The following KIF6 variants were observed in gnomAD, a reference collection of about 807,000 sequenced individuals.
KIF6 encodes the protein kinesin family member 6, also known as kinesin-like protein KIF6.
A neutral mutation model predicts 112.7 loss-of-function variants in KIF6; 106 were observed. The observed-to-expected ratio is 0.94, with a 90% CI of 0.80 to 1.11. The LOEUF is 1.11. Ranked by LOEUF, KIF6 falls within the 50% of genes least tolerant of loss-of-function variation. KIF6 has a pLI of 0.00. For missense variants in KIF6, 929 were observed against 964.0 expected (o/e 0.96, Z 0.48); for synonymous variants, 339 against 339.9 (o/e 1.00, Z 0.03).
intron 3 of KIF6, among the ~76,000 whole-genome samples, chr6:39,712,857 CGA>C (rs1464600694): frequency 1.3e-4 from 20 of 152,074 alleles, no homozygotes; most frequent in Middle Eastern, 3.2e-3. Flanking sequence ...ATGTAAATGA[CGA>C]GTTAATGGGT....
intron 13 of KIF6, among the ~76,000 whole-genome samples, chr6:39,524,569 A>T (rs74830961): frequency 1.3e-5 from 2 of 152,056 alleles, no homozygotes; most frequent in Non-Finnish European, 2.9e-5. Flanking sequence ...GCTGGAAAAA[A>T]CCTGCCTGAT....
chr6:39,522,508 T>C (rs961735701), intron 13 of KIF6, among the ~76,000 whole-genome samples: 6 of 152,238 alleles, frequency 3.9e-5, no homozygotes, highest in Non-Finnish European at 8.8e-5. Flanking sequence ...CAATGATCTG[T>C]GTGACCACTT....
chr6:39,346,053 T>C (rs143807082), intron 20 of KIF6, among the ~76,000 whole-genome samples: 2 of 13,516 alleles, frequency 1.5e-4, no homozygotes, highest in Non-Finnish European at 1.4e-4. Flanking sequence ...TACAGTGCTC[T>C]CTCTCTCTCT....
At chr6:39,681,646 G>T in intron 3 of KIF6, among the ~76,000 whole-genome samples, 1 of 152,070 alleles carries the variant, frequency 6.6e-6, no homozygotes, top group East Asian at 1.9e-4. Flanking sequence ...TAGAGAAGAG[G>T]CAGGAGGTTC....
At chr6:39,377,751 T>TCTCTCCAACCCGC (rs1562150695) in intron 16 of KIF6, among the ~76,000 whole-genome samples, 2 of 151,926 alleles carry the variant, frequency 1.3e-5, no homozygotes, top group Non-Finnish European at 2.9e-5. Context: ...CTCCAACCCG[T>TCTCTCCAACCCGC]AAGGCCCTTG....
At chr6:39,611,665 T>C (rs1783222302) in intron 6 of KIF6, among the ~76,000 whole-genome samples, 1 of 152,222 alleles carries the variant, frequency 6.6e-6, no homozygotes, top group Non-Finnish European at 1.5e-5. Flanking sequence ...TTTATGAATC[T>C]ATCTTTTCTC....
intron 7 of KIF6, among the ~76,000 whole-genome samples, chr6:39,592,091 G>A (rs976764099): frequency 1.7e-4 from 26 of 152,062 alleles, no homozygotes; most frequent in African/African-American, 5.1e-4. Flanking sequence ...CAGCCTGGGC[G>A]ACAGAGTGAG....
intron 15 of KIF6, among the ~76,000 whole-genome samples, chr6:39,395,448 G>A (rs1768190395): frequency 6.6e-6 from 1 of 152,216 alleles, no homozygotes; most frequent in African/African-American, 2.4e-5. Context: ...GCTCATGATT[G>A]TGTTGGTATC....
At chr6:39,514,347 C>T (rs1464187049) in intron 13 of KIF6, among the ~76,000 whole-genome samples, 2 of 152,198 alleles carry the variant, frequency 1.3e-5, no homozygotes, top group Non-Finnish European at 2.9e-5. Flanking sequence ...AAAGAACAAT[C>T]TCTGTCCTTT....
At chr6:39,398,710 G>C (rs1581764982) in intron 15 of KIF6, among the ~76,000 whole-genome samples, 1 of 152,130 alleles carries the variant, frequency 6.6e-6, no homozygotes, top group Non-Finnish European at 1.5e-5. Context: ...ACACAGATCG[G>C]GTGCTTCTTT....
chr6:39,712,880 A>G (rs779299289), intron 3 of KIF6, among the ~76,000 whole-genome samples: 1 of 152,226 alleles, frequency 6.6e-6, no homozygotes, highest in Non-Finnish European at 1.5e-5. Flanking sequence ...GCAGCAAACC[A>G]ACATGGCACG....
At chr6:39,530,904 A>G (rs1473836095) in intron 13 of KIF6, among the ~76,000 whole-genome samples, 1 of 152,160 alleles carries the variant, frequency 6.6e-6, no homozygotes, top group Non-Finnish European at 1.5e-5. Context: ...AAAATAATGG[A>G]ATAATAAAAG....
rs181937853 is a variant in KIF6 at position 39,423,073 on chromosome 6, G to A, written c.1755-3070C>T. ...GCCAAAGCATTCCTATTAGGGCGTC[G>A]TTAGTTGTGTGGCTGGCTTTGGGGA... On this transcript the variant is annotated intron_variant, in intron 14 of 22. Coordinates refer to ENST00000287152, the MANE Select transcript of KIF6 (RefSeq NM_145027.6). Among the ~76,000 whole-genome samples the A allele has an allele frequency of 3.0e-4, 45 of 152,332 alleles. 1 individual carries two copies. Among genetic ancestry groups the A allele is most frequent in the Admixed American group, 2.5e-3 (38 of 15,308 alleles).
intron 13 of KIF6, among the ~76,000 whole-genome samples, chr6:39,536,535 T>A (rs989045565): frequency 5.9e-5 from 9 of 152,058 alleles, no homozygotes; most frequent in Admixed American, 6.5e-5. Flanking sequence ...AATCTCTGAA[T>A]AGACCAATAA....
intron 17 of KIF6, among the ~76,000 whole-genome samples, chr6:39,361,534 G>A (rs1765136908): frequency 6.8e-6 from 1 of 146,236 alleles, no homozygotes; most frequent in Non-Finnish European, 1.5e-5. Flanking sequence ...ACTGCAGCCT[G>A]GGAAACAAAG....
chr6:39,542,913 T>C (rs1778865231), intron 12 of KIF6, among the ~76,000 whole-genome samples: 1 of 152,166 alleles, frequency 6.6e-6, no homozygotes, highest in Non-Finnish European at 1.5e-5. Context: ...CTGACTCCCA[T>C]ACACCATCAT....
intron 3 of KIF6, among the ~76,000 whole-genome samples, chr6:39,668,340 C>T (rs302571): frequency 1 from 152,229 of 152,332 alleles, 76,063 homozygotes; most frequent in Middle Eastern, 1. Flanking sequence ...TTCCTTCCGG[C>T]TTTCTTTTTA....
intron 16 of KIF6, among the ~76,000 whole-genome samples, chr6:39,376,099 T>C (rs916165190): frequency 6.6e-6 from 1 of 152,160 alleles, no homozygotes; most frequent in African/African-American, 2.4e-5. Flanking sequence ...CAAGCAACTG[T>C]GGATTAGAAT....
intron 13 of KIF6, among the ~76,000 whole-genome samples, chr6:39,524,583 A>C (rs1777596875): frequency 1.3e-5 from 2 of 152,156 alleles, no homozygotes; most frequent in Non-Finnish European, 2.9e-5. Context: ...GCCTGATTTA[A>C]AGCCATGCTC....
Sources: allele counts gnomAD v4.1 joint callset (sites outside exome capture counted in the v4.1 genomes callset), GRCh38; gene constraint gnomAD v4.1.1; transcripts MANE v1.5; gene names NCBI Gene and HGNC (gene_info 2026-07-23, HGNC 2026-07-21).